Variants in GNG7 observed in about 807,000 individuals in gnomAD.
GNG7 encodes the protein guanine nucleotide-binding protein G(I)/G(S)/G(O) subunit gamma-7.
Under a neutral mutation model 4.0 loss-of-function variants are expected in GNG7, and 1 was observed. The ratio of observed to expected loss-of-function variants is 0.25; its 90% CI spans 0.09 to 1.18. GNG7 has a LOEUF of 1.18. Among genes scored for constraint, GNG7 ranks in the 50% most tolerant of loss-of-function variants. The probability of loss-of-function intolerance (pLI) is 0.50; values close to 1 mark genes in which losing one functional copy is unlikely to be tolerated. For missense variants in GNG7, 86 were observed against 91.9 expected (o/e 0.94, Z 0.26); for synonymous variants, 34 against 36.9 (o/e 0.92, Z 0.29).
intron 1 of GNG7, among the ~76,000 whole-genome samples, chr19:2,651,572 TCTC>T (rs1568274650): frequency 1.3e-3 from 197 of 146,092 alleles, no homozygotes; most frequent in Middle Eastern, 3.7e-3. Flanking sequence ...TCTCTCTCTC[TCTC>T]TTTTTTTTTT....
intron 2 of GNG7, among the ~76,000 whole-genome samples, chr19:2,629,929 T>C (rs80316204): frequency 2.8e-3 from 420 of 152,280 alleles, no homozygotes; most frequent in African/African-American, 9.7e-3. Context: ...ATGTCACCAC[T>C]GGGGGAAACT....
chr19:2,669,882 T>C (rs1599453176), intron 1 of GNG7, among the ~76,000 whole-genome samples: 1 of 151,352 alleles, frequency 6.6e-6, no homozygotes, highest in East Asian at 1.9e-4. Context: ...TGGTGGCGGG[T>C]ACCTATAATC....
At chr19:2,672,928 GA>G (rs1055596683) in intron 1 of GNG7, among the ~76,000 whole-genome samples, 1 of 151,984 alleles carries the variant, frequency 6.6e-6, no homozygotes, top group Non-Finnish European at 1.5e-5. Context: ...CACGTTGGGG[GA>G]CATTTTACAA....
chr19:2,639,725 G>A, intron 2 of GNG7, among the ~76,000 whole-genome samples: 1 of 11,322 alleles, frequency 8.8e-5, no homozygotes, highest in Admixed American at 9.2e-4. Context: ...GGGAAGGGAG[G>A]GAAGGGAGAG....
chr19:2,624,327 A>G (rs1240533503), intron 2 of GNG7, among the ~76,000 whole-genome samples: 2 of 151,950 alleles, frequency 1.3e-5, no homozygotes, highest in African/African-American at 4.8e-5. Flanking sequence ...CAGGAGATCG[A>G]GACCATCCTG....
At chr19:2,701,470 T>G (rs1913399048) in intron 1 of GNG7, among the ~76,000 whole-genome samples, 1 of 137,514 alleles carries the variant, frequency 7.3e-6, no homozygotes, top group Non-Finnish European at 1.5e-5. Flanking sequence ...TTTCCCCTGA[T>G]AGCCCCCAGA....
At chr19:2,571,106 T>C (rs947642862) in intron 2 of GNG7, among the ~76,000 whole-genome samples, 2 of 151,918 alleles carry the variant, frequency 1.3e-5, no homozygotes, top group African/African-American at 4.8e-5. Context: ...CCGGCGGAGT[T>C]GTCCAGCTTT....
intron 2 of GNG7, among the ~76,000 whole-genome samples, chr19:2,616,793 A>G (rs1334964710): frequency 6.6e-6 from 1 of 151,730 alleles, no homozygotes; most frequent in African/African-American, 2.4e-5. Context: ...CCAGACAAAT[A>G]TAGCTGGTGG....
chr19:2,631,514 G>A (rs1253504531), intron 2 of GNG7, among the ~76,000 whole-genome samples: 1 of 152,234 alleles, frequency 6.6e-6, no homozygotes, highest in Non-Finnish European at 1.5e-5. Flanking sequence ...CTGTGGCCGT[G>A]TGCCAATAAA....
intron 2 of GNG7, among the ~76,000 whole-genome samples, chr19:2,561,600 G>A (rs544740410): frequency 7.2e-5 from 11 of 152,094 alleles, no homozygotes; most frequent in African/African-American, 1.2e-4. Flanking sequence ...CTGGTTGGCC[G>A]GGCGCAGTGG....
At chr19:2,671,002 TG>T (rs1474871278) in intron 1 of GNG7, among the ~76,000 whole-genome samples, 1 of 152,010 alleles carries the variant, frequency 6.6e-6, no homozygotes, top group Non-Finnish European at 1.5e-5. Context: ...CCCCTGATTT[TG>T]GGAGTTTATT....
intron 3 of GNG7, among the ~76,000 whole-genome samples, chr19:2,543,725 C>A (rs944675355): frequency 3.3e-5 from 5 of 152,154 alleles, no homozygotes; most frequent in Non-Finnish European, 5.9e-5. Flanking sequence ...CGGGCTCTGG[C>A]GGCTTCCAGG....
intron 1 of GNG7, among the ~76,000 whole-genome samples, chr19:2,670,286 C>T (rs539543789): frequency 5.9e-5 from 9 of 152,296 alleles, no homozygotes; most frequent in African/African-American, 2.2e-4. Flanking sequence ...GAAGGAGCAC[C>T]AGTGGGGATA....
At chr19:2,640,207 GGAAGGC>G (rs1205987974) in intron 2 of GNG7, among the ~76,000 whole-genome samples, 1 of 147,606 alleles carries the variant, frequency 6.8e-6, no homozygotes, top group African/African-American at 2.5e-5. Flanking sequence ...GGGAGAGGGA[GGAAGGC>G]GAGAGAAAGA....
At chr19:2,619,964 G>A (rs550639981) in intron 2 of GNG7, among the ~76,000 whole-genome samples, 8 of 151,680 alleles carry the variant, frequency 5.3e-5, no homozygotes, top group Non-Finnish European at 7.4e-5. Context: ...GAGGACGAGG[G>A]GGGGGCGCGG....
chr19:2,631,047 C>A (rs1368737215), intron 2 of GNG7, among the ~76,000 whole-genome samples: 1 of 152,138 alleles, frequency 6.6e-6, no homozygotes, highest in African/African-American at 2.4e-5. Context: ...ATGACTATGA[C>A]ATTATCTGAT....
rs1981792352 is a variant in GNG7 at position 2,618,866 on chromosome 19, C to T, written c.-78+27358G>A. Among the ~76,000 whole-genome samples, 1 of 152,086 alleles carries T rather than the reference C, an allele frequency of 6.6e-6. No individual in the cohort carries two copies. Among genetic ancestry groups the T allele is most frequent in the Non-Finnish European group, 1.5e-5 (1 of 68,038 alleles). On this transcript the variant is annotated intron_variant, in intron 2 of 4. Transcript: ENST00000382159. This position sits in a 1 kb window ranked among gnomAD's most constrained non-coding sequence, Gnocchi z 5.1. Reference sequence around the variant, plus strand: ...CTTCCCTCAGTTTTCCCCTCACGACCTTTCCTGCCCCATTGTGACCCCATC... The same window carrying T: ...CTTCCCTCAGTTTTCCCCTCACGACTTTTCCTGCCCCATTGTGACCCCATC...
intron 2 of GNG7, among the ~76,000 whole-genome samples, chr19:2,568,286 CACAT>C (rs913955973): frequency 3.4e-5 from 3 of 88,808 alleles, no homozygotes; most frequent in Non-Finnish European, 8.3e-5. Flanking sequence ...TAGACTTACA[CACAT>C]ATACACACGC....
chr19:2,657,361 A>AATAT (rs869231931), intron 1 of GNG7, among the ~76,000 whole-genome samples: 252 of 15,876 alleles, frequency 0.016, 2 homozygotes, highest in South Asian at 0.037. Flanking sequence ...AAAAAAAAAA[A>AATAT]ATATATATAT....
Sources: gnomAD v4.1 joint callset for allele counts (sites outside exome capture counted in the v4.1 genomes callset) on GRCh38, gnomAD v4.1.1 for gene constraint, Gnocchi (gnomAD v3.1) non-coding constraint, MANE v1.5 for transcripts, NCBI Gene and HGNC (gene_info 2026-07-23, HGNC 2026-07-21) for gene names.